Variants in DCC observed in about 807,000 individuals in gnomAD.
The protein encoded by DCC is DCC netrin 1 receptor, also known as netrin receptor DCC.
A neutral mutation model predicts 172.5 loss-of-function variants in DCC; 58 were observed. The ratio of observed to expected loss-of-function variants is 0.34; its 90% CI spans 0.27 to 0.42. The LOEUF is 0.42. DCC is among the 10% of genes least tolerant of loss of function. The probability of loss-of-function intolerance (pLI) is 1.00; values close to 1 mark genes in which losing one functional copy is unlikely to be tolerated. For synonymous variants in DCC, 709 were observed against 644.5 expected, an observed-to-expected ratio of 1.10 and a Z score of -1.52; for missense variants, 1,740 against 1,791.0, an observed-to-expected ratio of 0.97 and a Z score of 0.51.
chr18:53,395,654 T>A (rs192996107), intron 17 of DCC, among the ~76,000 whole-genome samples: 33 of 152,338 alleles, frequency 2.2e-4, no homozygotes, highest in African/African-American at 7.9e-4. Context: ...TCTTATTTTT[T>A]ATTTTTAAGA....
chr18:53,415,863 T>C (rs1910283976), intron 20 of DCC, among the ~76,000 whole-genome samples: 1 of 152,104 alleles, frequency 6.6e-6, no homozygotes, highest in East Asian at 1.9e-4. Context: ...ATAATTGTTC[T>C]CAGTTTATGT....
intron 5 of DCC, among the ~76,000 whole-genome samples, chr18:52,938,663 A>G (rs1285153011): frequency 1.3e-5 from 2 of 152,136 alleles, no homozygotes; most frequent in African/African-American, 4.8e-5. Context: ...TCACTCACAT[A>G]TATAATACAT....
At chr18:52,752,844 C>A (rs2037018641) in intron 2 of DCC, among the ~76,000 whole-genome samples, 1 of 152,088 alleles carries the variant, frequency 6.6e-6, no homozygotes, top group South Asian at 2.1e-4. Context: ...TAAGTGAGAT[C>A]ATGCAGTATT....
chr18:52,614,786 G>A lies in DCC; in HGVS notation c.92-137268G>A, dbSNP rs114550739. ...GAAAAAAAAATCTCAAATTTCAACAGCATGATGGCATATGTGTCTCTATAA... is the reference window on the plus strand; with the variant it reads ...GAAAAAAAAATCTCAAATTTCAACAACATGATGGCATATGTGTCTCTATAA... On this transcript the variant is annotated intron_variant, in intron 1 of 28. Coordinates refer to ENST00000442544, the MANE Select transcript of DCC (RefSeq NM_005215.4). Among the ~76,000 whole-genome samples, 1,431 of 152,196 alleles carry A rather than the reference G, an allele frequency of 9.4e-3. 20 individuals are homozygous for A. The highest frequency in any genetic ancestry group is 0.031 in the African/African-American group (1,297 of 41,538).
At chr18:53,042,484 T>C (rs2042182195) in intron 5 of DCC, among the ~76,000 whole-genome samples, 1 of 152,002 alleles carries the variant, frequency 6.6e-6, no homozygotes, top group African/African-American at 2.4e-5. Context: ...GTTGTATCTC[T>C]GCCAGGTTTT....
chr18:52,427,040 G>C (rs755050710), intron 1 of DCC, among the ~76,000 whole-genome samples: 10 of 152,064 alleles, frequency 6.6e-5, no homozygotes, highest in Non-Finnish European at 1.2e-4. Context: ...TATATAACAT[G>C]TTCAAGATCA....
At chr18:52,371,618 T>C (rs1262673564) in intron 1 of DCC, among the ~76,000 whole-genome samples, 3 of 152,202 alleles carry the variant, frequency 2.0e-5, no homozygotes, top group African/African-American at 7.2e-5. Context: ...GCTTTCTAAT[T>C]AGACCTCCTT....
At chr18:52,663,647 A>G (rs1331292124) in intron 1 of DCC, among the ~76,000 whole-genome samples, 1 of 152,214 alleles carries the variant, frequency 6.6e-6, no homozygotes, top group Non-Finnish European at 1.5e-5. Flanking sequence ...ATAGTAATGA[A>G]TATATATTAT....
chr18:53,216,034 T>G, intron 12 of DCC, among the ~76,000 whole-genome samples: 1 of 152,184 alleles, frequency 6.6e-6, no homozygotes, highest in East Asian at 1.9e-4. Context: ...CCATTCTTCC[T>G]TTATAAATGT....
At chr18:52,517,469 C>T (rs765300032) in intron 1 of DCC, among the ~76,000 whole-genome samples, 1 of 152,116 alleles carries the variant, frequency 6.6e-6, no homozygotes, top group Non-Finnish European at 1.5e-5. Context: ...GCTTATGACC[C>T]CTAAACCCAG....
chr18:52,840,650 C>G (rs1454460451), intron 2 of DCC, among the ~76,000 whole-genome samples: 1 of 152,156 alleles, frequency 6.6e-6, no homozygotes, highest in Non-Finnish European at 1.5e-5. Context: ...TCCTTCTAGT[C>G]CAAACTGCTC....
intron 2 of DCC, among the ~76,000 whole-genome samples, chr18:52,771,782 C>T (rs926146554): frequency 2.7e-5 from 4 of 150,886 alleles, no homozygotes; most frequent in Non-Finnish European, 2.9e-5. Context: ...CACCTTCTCT[C>T]TCTAGTCACC....
intron 12 of DCC, among the ~76,000 whole-genome samples, chr18:53,303,614 C>A (rs997315786): frequency 3.3e-5 from 5 of 152,284 alleles, no homozygotes; most frequent in African/African-American, 1.2e-4. Flanking sequence ...TGTGGCCTGT[C>A]TGTTTGGCTG....
At chr18:53,215,331 A>G (rs1014380189) in intron 11 of DCC, among the ~76,000 whole-genome samples, 1 of 151,354 alleles carries the variant, frequency 6.6e-6, no homozygotes, top group Non-Finnish European at 1.5e-5. Context: ...CTCCCTACAT[A>G]GGTAAGTTAA....
chr18:53,098,774 T>C (rs2043122427), intron 7 of DCC, among the ~76,000 whole-genome samples: 1 of 152,116 alleles, frequency 6.6e-6, no homozygotes, highest in African/African-American at 2.4e-5. Flanking sequence ...TGGGAGGCTA[T>C]GGCATGAGAA....
At chr18:52,913,323 TTC>T (rs1169068228) in intron 3 of DCC, among the ~76,000 whole-genome samples, 1 of 152,096 alleles carries the variant, frequency 6.6e-6, no homozygotes, top group African/African-American at 2.4e-5. Flanking sequence ...CATAGACCAT[TTC>T]TGTTTGATTC....
At chr18:52,778,960 A>G (rs1210483513) in intron 2 of DCC, among the ~76,000 whole-genome samples, 1 of 152,206 alleles carries the variant, frequency 6.6e-6, no homozygotes, top group African/African-American at 2.4e-5. Context: ...TTAAAAACAT[A>G]TATGACATAT....
At chr18:53,089,580 AAAAAAACC>A (rs1206820247) in intron 7 of DCC, among the ~76,000 whole-genome samples, 1 of 102,970 alleles carries the variant, frequency 9.7e-6, no homozygotes, top group Non-Finnish European at 2.3e-5. Context: ...CCTAACTAAA[AAAAAAACC>A]AAAAAACAAA....
chr18:52,858,542 C>T (rs977931416), intron 2 of DCC, among the ~76,000 whole-genome samples: 3 of 152,158 alleles, frequency 2.0e-5, no homozygotes, highest in African/African-American at 7.2e-5. Context: ...TTTCCTAGCT[C>T]CTTTTTTGAG....
Sources: allele counts gnomAD v4.1 joint callset (sites outside exome capture counted in the v4.1 genomes callset), GRCh38; gene constraint gnomAD v4.1.1; transcripts MANE v1.5; gene names NCBI Gene and HGNC (gene_info 2026-07-23, HGNC 2026-07-21).